Variants in NBPF11 observed in about 807,000 individuals in gnomAD.
The protein encoded by NBPF11 is NBPF family member NBPF11.
In NBPF11, 72 loss-of-function variants were observed where a neutral mutation model predicts 93.9. That is an observed-to-expected ratio of 0.77 (90% CI 0.63 to 0.93). NBPF11 has a LOEUF of 0.93. Among genes scored for constraint, NBPF11 ranks in the 40% least tolerant of loss-of-function variants. The pLI, the probability that NBPF11 is intolerant of heterozygous loss-of-function variation, is 0.00. For missense variants in NBPF11, 705 were observed against 802.2 expected (o/e 0.88, Z 1.46); for synonymous variants, 224 against 304.9 (o/e 0.73, Z 2.76).
intron 9 of NBPF11, among the ~76,000 whole-genome samples, chr1:148,121,356 T>TTTTTTTC (rs1667793152): frequency 7.0e-6 from 1 of 142,848 alleles, no homozygotes; most frequent in Admixed American, 7.1e-5. Flanking sequence ...GACTTTTTTT[T>TTTTTTTC]TTTTTTTTTG....
Position 148,104,556 on chromosome 1 carries a change from G to T in NBPF11, c.2562C>A (p.Ile854=), listed in dbSNP as rs1663066505. 2 of 599,356 alleles carry T rather than the reference G, an allele frequency of 3.3e-6. No individual in the cohort carries two copies. The highest frequency in any genetic ancestry group is 1.9e-5 in the South Asian group (1 of 51,840). 37.1% of individuals were successfully genotyped at this position (599,356 alleles called of 1,614,324 possible). A position where few individuals can be genotyped will look rare whatever the true frequency, so the allele number is the denominator to read the frequency against. ...AGTTACCTGGGGCATGGTGGGTTTTGATCTTCTTCCCCTTCTTTTCTTCCC... is the reference window on the plus strand; with the variant it reads ...AGTTACCTGGGGCATGGTGGGTTTTTATCTTCTTCCCCTTCTTTTCTTCCC... The part of the protein sequence containing the change: ...EEGEEKKGKK[I]KTHHAPGSAA... Residue 854 remains isoleucine (I), a synonymous_variant, in exon 23 of 24, where the codon ATC becomes ATA. Transcript: ENST00000682118.
At chr1:148,132,402 G>A (rs1670552740) in intron 4 of NBPF11, among the ~76,000 whole-genome samples, 1 of 147,708 alleles carries the variant, frequency 6.8e-6, no homozygotes, top group East Asian at 2.0e-4. Context: ...CATAGCTGTA[G>A]AGTAATTCTG....
At chr1:148,121,109 A>T (rs1332500188) in intron 9 of NBPF11, among the ~76,000 whole-genome samples, 2 of 151,726 alleles carry the variant, frequency 1.3e-5, no homozygotes, top group South Asian at 4.2e-4. Context: ...CAGAGGCACA[A>T]TCTCAGCTCA....
chr1:148,132,142 G>GTATA (rs1294703306), intron 4 of NBPF11, among the ~76,000 whole-genome samples: 12 of 142,170 alleles, frequency 8.4e-5, no homozygotes, highest in African/African-American at 3.3e-4. Context: ...ATGTGTGTGT[G>GTATA]TGTATATATA....
chr1:148,136,661 C>T (rs1390822988), intron 3 of NBPF11, among the ~76,000 whole-genome samples: 1 of 151,980 alleles, frequency 6.6e-6, no homozygotes, highest in Non-Finnish European at 1.5e-5. Context: ...CATTTCCAAA[C>T]TATTTTGGGT....
chr1:148,129,557 C>T (rs1669948937), intron 4 of NBPF11: 1 of 155,834 alleles, frequency 6.4e-6, no homozygotes, highest in African/African-American at 2.4e-5. Context: ...CAACAAGGAC[C>T]CACCTTCCAT....
In NBPF11 at chr1:148,106,303, A is replaced by C. The variant is rs1437084003; in HGVS notation, c.2252-71T>G. ...TACACCCATAACAGTCCACTGTCTA[A>C]TCCCCACACAGGGATCTCAGGCTCC... On this transcript the variant is annotated intron_variant, in intron 20 of 23. Coordinates refer to ENST00000682118, the MANE Select transcript of NBPF11 (RefSeq NM_001385469.3). The C allele has an allele frequency of 1.5e-5, 10 of 659,164 alleles. 1 individual carries two copies. In the African/African-American group the frequency reaches 1.9e-4, roughly 12 times the overall value. 40.8% of individuals were successfully genotyped at this position (659,164 alleles called of 1,614,324 possible).
chr1:148,138,452 A>T (rs1671692516), intron 2 of NBPF11, among the ~76,000 whole-genome samples: 1 of 151,798 alleles, frequency 6.6e-6, no homozygotes, highest in African/African-American at 2.4e-5. Flanking sequence ...AGACTATGAC[A>T]TGGGGAGAAA....
At chr1:148,106,061 A>C in intron 21 of NBPF11, 120 bp downstream of exon 21, 1 of 552,076 alleles carries the variant, frequency 1.8e-6, no homozygotes. Context: ...CAATGTTAGT[A>C]GGAATAATTC....
intron 3 of NBPF11, 78 bp from the exon 4 acceptor site, chr1:148,135,891 C>T (rs1197232336): frequency 8.3e-6 from 8 of 967,518 alleles, no homozygotes; most frequent in African/African-American, 1.6e-5. Context: ...CTTACCATGA[C>T]CCTGTTCACT....
Position 148,149,103 on chromosome 1 carries a change from G to A in NBPF11, c.-549+2647C>T. The A allele has an allele frequency of 1.3e-6, 2 of 1,495,572 alleles. 1 individual carries two copies. Among genetic ancestry groups the A allele is most frequent in the Middle Eastern group, 4.8e-4 (2 of 4,190 alleles). The allele number at this position is 1,495,572 out of a possible 1,614,324, so 92.6% of individuals were successfully genotyped here. ...GGAGCTGGGCCCGGGGACGCCCGCT[G>A]GTGGGAAGGGTGCGCGCGCGTTGGA... On this transcript the variant is annotated intron_variant, in intron 1 of 23. Coordinates refer to ENST00000682118, the MANE Select transcript of NBPF11 (RefSeq NM_001385469.3).
chr1:148,149,190 T>C (rs1256795324), intron 1 of NBPF11: 2 of 1,580,360 alleles, frequency 1.3e-6, no homozygotes, highest in East Asian at 4.5e-5. Context: ...AGCATCATCC[T>C]GTACGGGCAG....
intron 17 of NBPF11, among the ~76,000 whole-genome samples, chr1:148,108,905 C>A (rs879962350): frequency 7.8e-6 from 1 of 128,374 alleles, no homozygotes; most frequent in African/African-American, 3.7e-5. Context: ...TGAGCTCAGT[C>A]AATTGGCCAG....
intron 1 of NBPF11, among the ~76,000 whole-genome samples, chr1:148,147,480 G>A (rs1317539133): frequency 2.1e-3 from 317 of 152,166 alleles, no homozygotes; most frequent in Non-Finnish European, 3.3e-3. Context: ...CACGTCCCCA[G>A]CCCTGTGCTT....
chr1:148,104,052 T>C (rs1662932676), intron 23 of NBPF11, 140 bp from the exon 24 acceptor site: 1 of 1,562,396 alleles, frequency 6.4e-7, no homozygotes, highest in South Asian at 1.1e-5. Context: ...AATTATTGCC[T>C]TTATGTTGGG....
In NBPF11 at chr1:148,146,347, G is replaced by T. The variant is rs1202454636; in HGVS notation, c.-548-2661C>A. 6.2e-6 allele frequency: 9 copies of T among 1,460,750 alleles called. No individual in the cohort carries two copies. The South Asian group carries it at 1.2e-4, about 20-fold the overall frequency. The allele number at this position is 1,460,750 out of a possible 1,614,324, so 90.5% of individuals were successfully genotyped here. A position where few individuals can be genotyped will look rare whatever the true frequency, so the allele number is the denominator to read the frequency against. ...CCCCTGCCGGGCCAGGCCGGGCGGC[G>T]TTGTTGGCGGGGGCCCCGGTGGAGG... On this transcript the variant is annotated intron_variant, in intron 1 of 23. Coordinates refer to ENST00000682118, the MANE Select transcript of NBPF11 (RefSeq NM_001385469.3).
At chr1:148,118,545 G>A (rs1365538418) in intron 11 of NBPF11, 75 bp downstream of exon 11, 122 of 1,444,122 alleles carry the variant, frequency 8.4e-5, no homozygotes, top group South Asian at 4.0e-4. Flanking sequence ...TAGCTCTTAC[G>A]TCTCCCCACT....
At chr1:148,149,695 C>T (rs1647798421) in intron 1 of NBPF11, 2 of 640,180 alleles carry the variant, frequency 3.1e-6, no homozygotes, top group African/African-American at 3.8e-5. Flanking sequence ...GACCCAGGGG[C>T]TGTGGACGAT....
In NBPF11 at chr1:148,126,898, T is replaced by C. The variant is rs4468218; in HGVS notation, c.106A>G (p.Arg36Gly). The C allele has an allele frequency of 3.6e-5, 51 of 1,422,122 alleles. No individual in the cohort carries two copies. The highest frequency in any genetic ancestry group is 2.3e-4 in the East Asian group (10 of 43,724). 88.1% of individuals were successfully genotyped at this position (1,422,122 alleles called of 1,614,324 possible). ...PQLAENKQQF[R>G]NLKERCFLTQ... ...AGAAAACATCTCTCTTTGAGGTTTC[T>C]GAACTGCTGTTTGTTCTCTGCCAAC... Residue 36 changes from arginine to glycine, a missense_variant, in exon 5 of 24, where the codon AGA (arginine) becomes GGA (glycine). By Grantham distance (125) the Arg-to-Gly change is moderately radical (BLOSUM62 -2). This residue lies in a region of NBPF11 where 128 missense variants were observed against 112.8 expected (regional missense o/e 1.14). Coordinates refer to ENST00000682118, the MANE Select transcript of NBPF11 (RefSeq NM_001385469.3).
Sources: gnomAD v4.1 joint callset for allele counts (sites outside exome capture counted in the v4.1 genomes callset) on GRCh38, gnomAD v4.1.1 for gene constraint, gnomAD v4.1.1 regional missense constraint, MANE v1.5 for transcripts, NCBI Gene and HGNC (gene_info 2026-07-23, HGNC 2026-07-21) for gene names.